PIAS4: variants seen among roughly 807,000 people sequenced by gnomAD.
PIAS4 encodes E3 SUMO-protein ligase PIAS4.
In PIAS4, 7 loss-of-function variants were observed where a neutral mutation model predicts 58.0. The ratio of observed to expected loss-of-function variants is 0.12; its 90% CI spans 0.07 to 0.23. The LOEUF is 0.23. Ranked by LOEUF, PIAS4 falls within the 10% of genes least tolerant of loss-of-function variation. The pLI is 1.00. For synonymous variants in PIAS4, 364 were observed against 312.4 expected, an observed-to-expected ratio of 1.17 and a Z score of -1.74; for missense variants, 550 against 709.5, an observed-to-expected ratio of 0.78 and a Z score of 2.55.
At chr19:4,028,411 C>T (rs2040189630) in intron 4 of PIAS4, 99 bp from the exon 5 acceptor site, 2 of 928,732 alleles carry the variant, frequency 2.2e-6, no homozygotes, top group Admixed American at 4.1e-5. Flanking sequence ...CTCCGGTGCC[C>T]CCATCACTGC....
intron 3 of PIAS4, among the ~76,000 whole-genome samples, chr19:4,026,596 C>G (rs931678366): frequency 1.3e-5 from 2 of 152,006 alleles, no homozygotes; most frequent in Non-Finnish European, 2.9e-5. Flanking sequence ...CACCCTTCAT[C>G]CACTGGCCCC....
At chr19:4,011,299 C>T (rs1443344767) in intron 1 of PIAS4, among the ~76,000 whole-genome samples, 1 of 152,264 alleles carries the variant, frequency 6.6e-6, no homozygotes, top group Non-Finnish European at 1.5e-5. Flanking sequence ...TCATCCCAGG[C>T]CAGCTTCAGG....
rs2040319441 is a variant in PIAS4 at position 4,037,960 on chromosome 19, TC to T, written c.*86del. 1 of 1,383,698 alleles carries T rather than the reference TC, an allele frequency of 7.2e-7. No individual in the cohort carries two copies. Among genetic ancestry groups the T allele is most frequent in the Admixed American group, 2.7e-5 (1 of 36,684 alleles). The allele number at this position is 1,383,698 out of a possible 1,614,324, so 85.7% of individuals were successfully genotyped here. On this transcript the variant is annotated 3_prime_UTR_variant, in exon 11 of 11. Transcript: ENST00000262971. The surrounding 1 kb of genome is among the most constrained non-coding windows in gnomAD (Gnocchi z 5.8). ...CGGGCGCAGAGGGAGGAGTGACCTT[TC>T]TTTTTCTTTTTATTGTCGTTCGTTT...
At chr19:4,014,403 C>G (rs1346547342) in intron 2 of PIAS4, among the ~76,000 whole-genome samples, 1 of 152,158 alleles carries the variant, frequency 6.6e-6, no homozygotes, top group African/African-American at 2.4e-5. Context: ...GCAGCCCCAG[C>G]CCCCAGGGCA....
rs1463792587 is a variant in PIAS4, at chr19:4,033,008, G to C, written c.908-92G>C. On this transcript the variant is annotated intron_variant, in intron 7 of 10. Transcript: ENST00000262971. ...TCATCGTCAGGGGCCTGTTCTGGGA[G>C]GTGGACGTCAGTGCCGGAGAGAACT... The C allele has an allele frequency of 1.6e-5, 16 of 992,010 alleles. No homozygotes were observed. The Admixed American group carries it at 1.9e-4, about 12-fold the overall frequency. 61.5% of individuals were successfully genotyped at this position (992,010 alleles called of 1,614,324 possible).
In PIAS4 at chr19:4,015,437, C is replaced by T. The variant is rs551143974; in HGVS notation, c.454+2088C>T. On this transcript the variant is annotated intron_variant, in intron 2 of 10. Transcript: ENST00000262971. ...GTCTACACCAGTGTGCCTGTGCTGG[C>T]GGCTCAGAACAAAGAGGCCATCCCC... Among the ~76,000 whole-genome samples the T allele has an allele frequency of 3.9e-5, 6 of 152,246 alleles. No homozygotes were observed. The East Asian group carries it at 7.7e-4, about 20-fold the overall frequency.
In PIAS4 at chr19:4,021,742, CTTTTTTTTT is replaced by C. The variant is rs776416490; in HGVS notation, c.455-2281_455-2273del. Among the ~76,000 whole-genome samples the C allele has an allele frequency of 4.1e-4, 43 of 104,078 alleles. 1 individual carries two copies. The highest frequency in any genetic ancestry group is 2.0e-3 in the South Asian group (6 of 2,928). The allele number at this position is 104,078 out of a possible 152,430, so 68.3% of individuals were successfully genotyped here. A position where few individuals can be genotyped will look rare whatever the true frequency, so the allele number is the denominator to read the frequency against. The stretch of plus-strand genomic sequence containing the variant: ...CGATATGGACCTGCATTTTCTTTTT[CTTTTTTTTT>C]TTTTTTTTTTTTGAGATGGGGTCTG... On this transcript the variant is annotated intron_variant, in intron 2 of 10. Transcript: ENST00000262971.
In PIAS4 at chr19:4,021,742, CTTTTTTTT is replaced by C. The variant is rs776416490; in HGVS notation, c.455-2280_455-2273del. The stretch of plus-strand genomic sequence containing the variant: ...CGATATGGACCTGCATTTTCTTTTT[CTTTTTTTT>C]TTTTTTTTTTTTTGAGATGGGGTCT... On this transcript the variant is annotated intron_variant, in intron 2 of 10. Transcript: ENST00000262971. 1.8e-4 allele frequency among the ~76,000 whole-genome samples: 19 copies of C among 104,078 alleles called. No individual in the cohort carries two copies. The East Asian group carries it at 4.5e-3, about 24-fold the overall frequency. 68.3% of individuals were successfully genotyped at this position (104,078 alleles called of 152,430 possible).
At chr19:4,030,806 G>A (rs760402332) in intron 7 of PIAS4, among the ~76,000 whole-genome samples, 1 of 152,150 alleles carries the variant, frequency 6.6e-6, no homozygotes, top group African/African-American at 2.4e-5. Flanking sequence ...AGGGCACCTG[G>A]ACATCTCTCT....
chr19:4,020,265 G>A (rs1376117029), intron 2 of PIAS4, among the ~76,000 whole-genome samples: 2 of 152,286 alleles, frequency 1.3e-5, no homozygotes, highest in Admixed American at 1.3e-4. Context: ...GGTAGTTGAG[G>A]TGCGATCCCA....
chr19:4,027,004 C>T (rs963661547), intron 3 of PIAS4, among the ~76,000 whole-genome samples: 1 of 114,502 alleles, frequency 8.7e-6, no homozygotes. Flanking sequence ...CCCGCCACCA[C>T]GCCTGGCTGA....
chr19:4,038,813 C>A lies in PIAS4; in HGVS notation c.*938C>A. 6.5e-6 allele frequency: 1 copy of A among 153,400 alleles called. No homozygotes were observed. Among genetic ancestry groups the A allele is most frequent in the South Asian group, 1.8e-4 (1 of 5,508 alleles). 9.5% of individuals were successfully genotyped at this position (153,400 alleles called of 1,614,324 possible). On this transcript the variant is annotated 3_prime_UTR_variant, in exon 11 of 11. Coordinates refer to ENST00000262971, the MANE Select transcript of PIAS4 (RefSeq NM_015897.4). The surrounding 1 kb of genome is among the most constrained non-coding windows in gnomAD (Gnocchi z 4.1). ...CAGGGACCCCGGCCACCCCGGCTCT[C>A]GGTTTGGGTTGATTCCTCTCCTTTT...
intron 2 of PIAS4, among the ~76,000 whole-genome samples, chr19:4,015,154 C>T (rs1343437136): frequency 2.0e-5 from 3 of 152,294 alleles, no homozygotes; most frequent in East Asian, 3.9e-4. Context: ...TTTGCTCTCT[C>T]ATGAGGGAAG....
chr19:4,031,322 G>C (rs1419678603), intron 7 of PIAS4, among the ~76,000 whole-genome samples: 1 of 152,200 alleles, frequency 6.6e-6, no homozygotes, highest in African/African-American at 2.4e-5. Flanking sequence ...ATAGCCGGCA[G>C]CACCCCCTCT....
chr19:4,018,702 T>G (rs564776898), intron 2 of PIAS4: 2 of 152,314 alleles, frequency 1.3e-5, no homozygotes, highest in South Asian at 4.1e-4. Context: ...AGCAGAGTGA[T>G]GTAGGGAAAC....
intron 2 of PIAS4, among the ~76,000 whole-genome samples, chr19:4,021,299 T>C (rs1007824843): frequency 6.6e-6 from 1 of 152,018 alleles, no homozygotes; most frequent in African/African-American, 2.4e-5. Flanking sequence ...GAGGCGTGTG[T>C]CACCATGCCT....
At position 4,036,948 on chromosome 19, in the gene PIAS4, T is replaced by G. The variant is rs571473143; in HGVS notation, c.1143-426T>G. ...TGCTCACACACACACATTCATAGACTCCACACATGCACACGTGCACACACA... is the reference window on the plus strand; with the variant it reads ...TGCTCACACACACACATTCATAGACGCCACACATGCACACGTGCACACACA... On this transcript the variant is annotated intron_variant, in intron 9 of 10. Transcript: ENST00000262971. Among the ~76,000 whole-genome samples the G allele has an allele frequency of 4.6e-5, 7 of 151,526 alleles. No homozygotes were observed. The East Asian group carries it at 9.6e-4, about 21-fold the overall frequency.
intron 2 of PIAS4, among the ~76,000 whole-genome samples, chr19:4,017,176 G>A (rs776870077): frequency 1.4e-4 from 21 of 152,218 alleles, no homozygotes; most frequent in Non-Finnish European, 2.9e-4. Context: ...GGGGGACTCC[G>A]CCAGCTCTGC....
chr19:4,014,756 C>T (rs1045982310), intron 2 of PIAS4, among the ~76,000 whole-genome samples: 4 of 152,174 alleles, frequency 2.6e-5, no homozygotes, highest in South Asian at 2.1e-4. Flanking sequence ...TTCTCTGGCA[C>T]GCTTCAGTCC....
Sources: gnomAD v4.1 joint callset for allele counts (sites outside exome capture counted in the v4.1 genomes callset) on GRCh38, gnomAD v4.1.1 for gene constraint, Gnocchi (gnomAD v3.1) non-coding constraint, MANE v1.5 for transcripts, NCBI Gene and HGNC (gene_info 2026-07-23, HGNC 2026-07-21) for gene names.